The following MYBL2 variants were observed in gnomAD, a reference collection of about 807,000 sequenced individuals.
MYBL2 encodes the protein MYB proto-oncogene like 2.
MYBL2 carries 28 observed loss-of-function variants against 79.9 expected under a neutral mutation model. The observed-to-expected ratio is 0.35, with a 90% CI of 0.26 to 0.48. The LOEUF is 0.48. MYBL2 is among the 20% of genes least tolerant of loss of function. The pLI is 0.99. For synonymous variants in MYBL2, 378 were observed against 361.2 expected (o/e 1.05, Z -0.53); for missense variants, 735 against 893.9 (o/e 0.82, Z 2.27).
At chr20:43,707,154 A>G (rs1284996999) in intron 9 of MYBL2, among the ~76,000 whole-genome samples, 2 of 150,278 alleles carry the variant, frequency 1.3e-5, no homozygotes, top group African/African-American at 4.9e-5. Context: ...ACTCCAGCCT[A>G]GGTGACAAAG....
intron 6 of MYBL2, among the ~76,000 whole-genome samples, chr20:43,698,126 A>C: frequency 7.9e-6 from 1 of 126,506 alleles, no homozygotes; most frequent in Non-Finnish European, 1.6e-5. Context: ...TAAGGATGCT[A>C]CTCCTTTATC....
In MYBL2 at chr20:43,702,880, A is replaced by C; in HGVS notation, c.1342A>C (p.Thr448Pro). The change falls in exon 8 of 14, where the codon ACC becomes CCC. Residue 448 changes from threonine (T) to proline (P), a missense_variant. Thr to Pro is a conservative substitution (Grantham distance 38). Around this residue, in one of 5 missense-constraint regions of MYBL2, gnomAD observed 243 missense variants for 327.2 expected, o/e 0.74. Transcript: ENST00000217026. ...CACGCCCAAGAGCACACCTGTTAAG[A>C]CCCTGCCCTTCTCGCCCTCCCAGGT... ...SLTPKSTPVK[T>P]LPFSPSQFLN... 1 of 1,598,190 alleles carries C rather than the reference A, an allele frequency of 6.3e-7. No homozygotes were observed. The highest frequency in any genetic ancestry group is 8.6e-7 in the Non-Finnish European group (1 of 1,167,254).
intron 1 of MYBL2, among the ~76,000 whole-genome samples, chr20:43,672,799 T>TC (rs1290244607): frequency 6.6e-6 from 1 of 152,162 alleles, no homozygotes; most frequent in African/African-American, 2.4e-5. Context: ...GAATTTTTTT[T>TC]CCAAATAACT....
intron 6 of MYBL2, among the ~76,000 whole-genome samples, chr20:43,694,626 G>T (rs555220606): frequency 6.6e-6 from 1 of 152,098 alleles, no homozygotes; most frequent in Non-Finnish European, 1.5e-5. Context: ...AATATCTCTC[G>T]ATTGCCCAAT....
chr20:43,700,288 C>T (rs987942072), intron 7 of MYBL2, among the ~76,000 whole-genome samples: 5 of 152,120 alleles, frequency 3.3e-5, no homozygotes, highest in African/African-American at 1.2e-4. Flanking sequence ...CTATGTATGG[C>T]ACAGGGCGGG....
intron 2 of MYBL2, among the ~76,000 whole-genome samples, chr20:43,680,131 A>C (rs564170010): frequency 6.6e-6 from 1 of 152,220 alleles, no homozygotes; most frequent in Non-Finnish European, 1.5e-5. Flanking sequence ...CCCGGGTTCA[A>C]GTGAATCTTC....
At chr20:43,711,976 C>T (rs1987917710) in intron 11 of MYBL2, among the ~76,000 whole-genome samples, 2 of 152,050 alleles carry the variant, frequency 1.3e-5, no homozygotes, top group African/African-American at 2.4e-5. Context: ...CACAGGGTAC[C>T]AAGGGCCGCA....
At chr20:43,676,368 G>T (rs947032974) in intron 2 of MYBL2, among the ~76,000 whole-genome samples, 1 of 151,984 alleles carries the variant, frequency 6.6e-6, no homozygotes, top group Admixed American at 6.6e-5. Flanking sequence ...AGAATATGCG[G>T]TATTTGGTTT....
intron 9 of MYBL2, among the ~76,000 whole-genome samples, chr20:43,707,502 T>TA (rs1228755153): frequency 2.0e-5 from 3 of 152,342 alleles, no homozygotes; most frequent in African/African-American, 7.2e-5. Flanking sequence ...GGCCATCCTT[T>TA]AACCATGTAG....
In MYBL2 at chr20:43,667,404, G is replaced by T. The variant is rs1032391126; in HGVS notation, c.20+101G>T. On this transcript the variant is annotated intron_variant, in intron 1 of 13. Coordinates refer to ENST00000217026, the MANE Select transcript of MYBL2 (RefSeq NM_002466.4). Reference sequence around the variant, plus strand: ...CCTCCCCAGGCTCCCACCAAGCTGGGGTGTGTGTGTGTGTTGGGGGTGGGG... The same window carrying T: ...CCTCCCCAGGCTCCCACCAAGCTGGTGTGTGTGTGTGTGTTGGGGGTGGGG... 4.0e-4 allele frequency: 344 copies of T among 868,626 alleles called. 1 individual carries two copies. Among genetic ancestry groups the T allele is most frequent in the Non-Finnish European group, 1.0e-4 (69 of 667,116 alleles). The allele number at this position is 868,626 out of a possible 1,614,324, so 53.8% of individuals were successfully genotyped here.
intron 2 of MYBL2, among the ~76,000 whole-genome samples, chr20:43,675,202 A>G (rs1314951245): frequency 6.6e-6 from 1 of 151,784 alleles, no homozygotes; most frequent in Non-Finnish European, 1.5e-5. Flanking sequence ...CTGGTCTCAA[A>G]CTTCTAGGCT....
intron 8 of MYBL2, 138 bp downstream of exon 8, chr20:43,703,041 A>C (rs1987709167): frequency 1.0e-6 from 1 of 960,658 alleles, no homozygotes; most frequent in Admixed American, 2.8e-5. Context: ...AGGTAACTAA[A>C]AAAGACTCAG....
chr20:43,709,328 G>T (rs1227546497), intron 9 of MYBL2, among the ~76,000 whole-genome samples: 3 of 152,194 alleles, frequency 2.0e-5, no homozygotes, highest in African/African-American at 4.8e-5. Flanking sequence ...CATACCACCA[G>T]CCCTGGCGCT....
At chr20:43,709,357 T>A (rs1453352425) in intron 9 of MYBL2, among the ~76,000 whole-genome samples, 2 of 152,166 alleles carry the variant, frequency 1.3e-5, no homozygotes, top group African/African-American at 4.8e-5. Context: ...TGAGGTGCCT[T>A]TTCTGCCCCC....
chr20:43,706,462 A>G (rs559319635), intron 9 of MYBL2, among the ~76,000 whole-genome samples: 11 of 152,160 alleles, frequency 7.2e-5, no homozygotes, highest in African/African-American at 2.7e-4. Context: ...TGCTTGATAC[A>G]TTTGCTGGAG....
At chr20:43,690,892 G>A (rs1028375835) in intron 5 of MYBL2, among the ~76,000 whole-genome samples, 2 of 152,256 alleles carry the variant, frequency 1.3e-5, no homozygotes, top group African/African-American at 4.8e-5. Context: ...CCTGCCGCTT[G>A]CTTCTCACCA....
chr20:43,706,021 G>A (rs1259976425), intron 9 of MYBL2, among the ~76,000 whole-genome samples: 1 of 151,904 alleles, frequency 6.6e-6, no homozygotes, highest in South Asian at 2.1e-4. Context: ...AAGAGGTGAG[G>A]TCTTGCTACT....
intron 9 of MYBL2, among the ~76,000 whole-genome samples, chr20:43,709,711 AGTCT>A (rs1215251536): frequency 1.3e-5 from 2 of 152,250 alleles, no homozygotes; most frequent in Admixed American, 1.3e-4. Context: ...GAAAGTCCCA[AGTCT>A]GGACCATGAC....
At chr20:43,703,746 G>C (rs569267853) in intron 8 of MYBL2, among the ~76,000 whole-genome samples, 1 of 152,216 alleles carries the variant, frequency 6.6e-6, no homozygotes, top group South Asian at 2.1e-4. Context: ...TGTCATCACG[G>C]GTCAGGATGG....
Sources: gnomAD v4.1 joint callset for allele counts (sites outside exome capture counted in the v4.1 genomes callset) on GRCh38, gnomAD v4.1.1 for gene constraint, gnomAD v4.1.1 regional missense constraint, MANE v1.5 for transcripts, NCBI Gene and HGNC (gene_info 2026-07-23, HGNC 2026-07-21) for gene names.